CHMP4C: variants seen among roughly 807,000 people sequenced by gnomAD.
CHMP4C encodes SNF7 homolog associated with Alix 3.
Under a neutral mutation model 29.0 loss-of-function variants are expected in CHMP4C, and 28 were observed. That is an observed-to-expected ratio of 0.97 (90% CI 0.72 to 1.32). The LOEUF is 1.32. Among genes scored for constraint, CHMP4C ranks in the 40% most tolerant of loss-of-function variants. The pLI, the probability that CHMP4C is intolerant of heterozygous loss-of-function variation, is 0.00. For synonymous variants in CHMP4C, 106 were observed against 102.4 expected (o/e 1.04, Z -0.21); for missense variants, 291 against 281.0 (o/e 1.04, Z -0.25).
chr8:81,750,247 G>T (rs1275389006), intron 1 of CHMP4C, among the ~76,000 whole-genome samples: 1 of 152,066 alleles, frequency 6.6e-6, no homozygotes, highest in Non-Finnish European at 1.5e-5. Flanking sequence ...GAATATAGCT[G>T]AAGACTAAAT....
At chr8:81,756,430 T>C (rs1344363116) in intron 3 of CHMP4C, among the ~76,000 whole-genome samples, 1 of 152,196 alleles carries the variant, frequency 6.6e-6, no homozygotes, top group African/African-American at 2.4e-5. Context: ...TGATGTAGAC[T>C]AGTAAGCATC....
rs1313079739 is a variant in CHMP4C, at chr8:81,755,154, TGTAATAG to T, written c.369-212_369-206del. On this transcript the variant is annotated intron_variant, in intron 2 of 4. Transcript: ENST00000297265. ...ACTTTTATTTTTAGTGAGTTCCAAA[TGTAATAG>T]GTATTTACTTAATGTTTATAATATA... Among the ~76,000 whole-genome samples the T allele has an allele frequency of 3.3e-5, 5 of 152,270 alleles. No homozygotes were observed. The East Asian group carries it at 7.7e-4, about 23-fold the overall frequency.
chr8:81,748,176 GCAGT>G (rs1281927169), intron 1 of CHMP4C, among the ~76,000 whole-genome samples: 2 of 152,190 alleles, frequency 1.3e-5, no homozygotes, highest in Non-Finnish European at 2.9e-5. Context: ...CGGCTCACTG[GCAGT>G]CAGAGTTTAA....
chr8:81,747,441 T>A (rs1383185913), intron 1 of CHMP4C, among the ~76,000 whole-genome samples: 1 of 152,000 alleles, frequency 6.6e-6, no homozygotes, highest in African/African-American at 2.4e-5. Context: ...AGGGAAGACA[T>A]GCACTCTGAA....
In CHMP4C at chr8:81,732,752, C is replaced by G; in HGVS notation, c.126C>G (p.Tyr42Ter). The G allele has an allele frequency of 6.2e-7, 1 of 1,610,318 alleles. No homozygotes were observed. Among genetic ancestry groups the G allele is most frequent in the East Asian group, 2.2e-5 (1 of 44,804 alleles). Residue 42 changes from tyrosine (Y) to a stop codon, truncating the protein, a stop_gained, in exon 1 of 5, where the codon TAC (tyrosine) becomes TAG (stop). Transcript: ENST00000297265. LOFTEE classifies it high-confidence loss of function. The part of the protein sequence containing the change: ...TEEMLGKKQE[Y>*]LENRIQREIA... ...AGATGCTGGGCAAGAAACAAGAGTA[C>G]CTGGAAAATCGAATCCAGAGAGAAA...
chr8:81,745,871 G>A (rs1178765159), intron 1 of CHMP4C, among the ~76,000 whole-genome samples: 1 of 152,186 alleles, frequency 6.6e-6, no homozygotes, highest in Admixed American at 6.6e-5. Flanking sequence ...ACAGGAGTTT[G>A]GAAGATTGAA....
intron 3 of CHMP4C, 139 bp from the exon 4 acceptor site, chr8:81,758,003 G>T (rs1585949200): frequency 2.6e-6 from 2 of 778,684 alleles, no homozygotes; most frequent in East Asian, 2.5e-5. Context: ...TTGCAAAAAA[G>T]ACTTAGTTTT....
intron 1 of CHMP4C, among the ~76,000 whole-genome samples, chr8:81,735,519 G>A (rs950915704): frequency 1.4e-4 from 22 of 152,190 alleles, no homozygotes; most frequent in Admixed American, 4.6e-4. Context: ...TGGCCCCTGT[G>A]TGGCACAATG....
In CHMP4C at chr8:81,732,725, G is replaced by A. The variant is rs1457185612; in HGVS notation, c.99G>A (p.Glu33=). The change falls in exon 1 of 5, where the codon GAG becomes GAA. Residue 33 remains glutamate, a synonymous_variant. Transcript: ENST00000297265. The stretch of plus-strand genomic sequence containing the variant: ...CCCTGGTCCGACTTCGGGAGACTGA[G>A]GAGATGCTGGGCAAGAAACAAGAGT... ...QEALVRLRET[E]EMLGKKQEYL... 5.0e-6 allele frequency: 8 copies of A among 1,604,996 alleles called. No individual in the cohort carries two copies. The African/African-American group carries it at 9.3e-5, about 19-fold the overall frequency.
intron 1 of CHMP4C, among the ~76,000 whole-genome samples, chr8:81,740,218 G>A (rs1284772674): frequency 6.6e-6 from 1 of 152,208 alleles, no homozygotes; most frequent in East Asian, 1.9e-4. Flanking sequence ...CGCTGAGGCG[G>A]CAGTCCCCAA....
intron 1 of CHMP4C, among the ~76,000 whole-genome samples, chr8:81,744,117 C>T (rs1808795135): frequency 6.6e-6 from 1 of 152,146 alleles, no homozygotes; most frequent in Admixed American, 6.6e-5. Context: ...TGTTGGTCTT[C>T]TTCTAGATTG....
chr8:81,743,480 AT>A (rs1288862957), intron 1 of CHMP4C, among the ~76,000 whole-genome samples: 1 of 152,106 alleles, frequency 6.6e-6, no homozygotes, highest in Non-Finnish European at 1.5e-5. Flanking sequence ...TTAGTTATAT[AT>A]TCTGACTGGT....
chr8:81,732,950 A>C, intron 1 of CHMP4C, 134 bp downstream of exon 1: 1 of 771,716 alleles, frequency 1.3e-6, no homozygotes, highest in Non-Finnish European at 2.1e-6. Context: ...ACTGGTACTG[A>C]CTCTTAGGGC....
chr8:81,749,815 C>A (rs1027343402), intron 1 of CHMP4C, among the ~76,000 whole-genome samples: 1 of 152,160 alleles, frequency 6.6e-6, no homozygotes, highest in African/African-American at 2.4e-5. Flanking sequence ...GGCTATGTGG[C>A]TTTACATAAG....
intron 1 of CHMP4C, 176 bp downstream of exon 1, chr8:81,732,992 C>A: frequency 2.1e-6 from 1 of 475,580 alleles, no homozygotes. Context: ...TAGACACTGG[C>A]ACTGATGGCA....
Position 81,734,847 on chromosome 8 carries a change from T to C in CHMP4C, c.190+2031T>C, listed in dbSNP as rs558554753. On this transcript the variant is annotated intron_variant, in intron 1 of 4. Transcript: ENST00000297265. ...ACAGTGCTAATTAAGACTACCAATC[T>C]AACTTCCTTAAATCAAGAAAGTTAT... Among the ~76,000 whole-genome samples the C allele has an allele frequency of 7.9e-5, 12 of 152,130 alleles. No homozygotes were observed. In the East Asian group the frequency reaches 2.3e-3, roughly 29 times the overall value.
intron 1 of CHMP4C, among the ~76,000 whole-genome samples, chr8:81,743,359 G>C (rs1321990125): frequency 6.6e-6 from 1 of 151,200 alleles, no homozygotes; most frequent in African/African-American, 2.4e-5. Flanking sequence ...TATAAATATG[G>C]CTTCATACTT....
chr8:81,755,410 G>T lies in CHMP4C; in HGVS notation c.409G>T (p.Glu137Ter). 1 of 1,612,146 alleles carries T rather than the reference G, an allele frequency of 6.2e-7. No homozygotes were observed. Among genetic ancestry groups the T allele is most frequent in the South Asian group, 1.1e-5 (1 of 90,942 alleles). The change falls in exon 3 of 5, where the codon GAG (glutamate) becomes TAG (stop). Residue 137 changes from glutamate (E) to a stop codon, truncating the protein, a stop_gained. Coordinates refer to ENST00000297265, the MANE Select transcript of CHMP4C (RefSeq NM_152284.4). LOFTEE classifies it high-confidence loss of function. ...AGATGATTTGATGCAAGAGATCACA[G>T]AGCAACAGGATATCGCCCAAGAAAT... Reference protein sequence around the residue: ...KIDDLMQEITEQQDIAQEISE... With the variant: ...KIDDLMQEIT
At chr8:81,750,622 G>T (rs1808889481) in intron 1 of CHMP4C, among the ~76,000 whole-genome samples, 1 of 151,472 alleles carries the variant, frequency 6.6e-6, no homozygotes, top group African/African-American at 2.4e-5. Flanking sequence ...AAAATATATA[G>T]GACAAAGCCA....
Sources: gnomAD v4.1 joint callset for allele counts (sites outside exome capture counted in the v4.1 genomes callset) on GRCh38, gnomAD v4.1.1 for gene constraint, MANE v1.5 for transcripts, NCBI Gene and HGNC (gene_info 2026-07-23, HGNC 2026-07-21) for gene names.